The following UTP25 variants were observed in gnomAD, a reference collection of about 807,000 sequenced individuals.
UTP25 encodes U3 small nucleolar RNA-associated protein 25 homolog.
UTP25 carries 50 observed loss-of-function variants against 78.9 expected under a neutral mutation model. The observed-to-expected ratio is 0.63, with a 90% CI of 0.50 to 0.80. The LOEUF is 0.80. Among genes scored for constraint, UTP25 ranks in the 30% least tolerant of loss-of-function variants. The pLI, the probability that UTP25 is intolerant of heterozygous loss-of-function variation, is 0.00. For synonymous variants in UTP25, 329 were observed against 336.5 expected (o/e 0.98, Z 0.24); for missense variants, 846 against 911.3 (o/e 0.93, Z 0.92).
intron 1 of UTP25, among the ~76,000 whole-genome samples, chr1:209,828,773 A>C (rs1260497010): frequency 1.6e-5 from 2 of 124,744 alleles, no homozygotes; most frequent in Non-Finnish European, 3.5e-5. Flanking sequence ...ATATGTATAT[A>C]TATAATTTTT....
At chr1:209,842,230 G>A in intron 8 of UTP25, 35 bp from the exon 9 acceptor site, 1 of 1,599,688 alleles carries the variant, frequency 6.3e-7, no homozygotes, top group East Asian at 2.2e-5. Context: ...AATGCTCTCA[G>A]TCAACACTAA....
chr1:209,828,289 G>A (rs370946303), intron 1 of UTP25, 119 bp downstream of exon 1: 74 of 760,140 alleles, frequency 9.7e-5, no homozygotes, highest in East Asian at 2.3e-4. Flanking sequence ...CTCCCGCTGT[G>A]CTCGGCCGGG....
chr1:209,842,962 T>C (rs1281316304), intron 10 of UTP25: 7 of 439,808 alleles, frequency 1.6e-5, no homozygotes, highest in Non-Finnish European at 2.8e-5. Context: ...ATTTTAAAAT[T>C]ATACAGCTTT....
chr1:209,830,018 T>C lies in UTP25; in HGVS notation c.108-90T>C, dbSNP rs2078093903. On this transcript the variant is annotated intron_variant, in intron 1 of 11. Coordinates refer to ENST00000491415, the MANE Select transcript of UTP25 (RefSeq NM_014388.7). ...TCTAAAATGTATTTATAATGTTATA[T>C]TCTGCCTTTTTCATTTAACATCTCA... 5 of 1,136,866 alleles carry C rather than the reference T, an allele frequency of 4.4e-6. No individual in the cohort carries two copies. The Admixed American group carries it at 1.0e-4, about 23-fold the overall frequency. 70.4% of individuals were successfully genotyped at this position (1,136,866 alleles called of 1,614,324 possible). A position where few individuals can be genotyped will look rare whatever the true frequency, so the allele number is the denominator to read the frequency against.
intron 10 of UTP25, 29 bp downstream of exon 10, chr1:209,842,724 G>C: frequency 1.3e-6 from 2 of 1,544,726 alleles, no homozygotes; most frequent in Non-Finnish European, 1.8e-6. Flanking sequence ...CAGGCCCCTG[G>C]GGACCACATA....
chr1:209,833,446 A>C, intron 4 of UTP25, 88 bp downstream of exon 4: 1 of 1,177,644 alleles, frequency 8.5e-7, no homozygotes, highest in Non-Finnish European at 1.2e-6. Context: ...TTATTGGAAC[A>C]AACAGCAATA....
At chr1:209,841,419 T>A (rs2078166490) in intron 8 of UTP25, among the ~76,000 whole-genome samples, 1 of 152,200 alleles carries the variant, frequency 6.6e-6, no homozygotes, top group Non-Finnish European at 1.5e-5. Context: ...TAATCCCACA[T>A]GTGGTTTTTG....
At chr1:209,830,448 A>G (rs1003542804) in intron 2 of UTP25, among the ~76,000 whole-genome samples, 9 of 151,808 alleles carry the variant, frequency 5.9e-5, no homozygotes, top group Admixed American at 5.3e-4. Flanking sequence ...AGCATAAAGG[A>G]GTCACAAATA....
In UTP25 at chr1:209,836,863, C is replaced by A; in HGVS notation, c.714C>A (p.Pro238=). 1 of 1,614,062 alleles carries A rather than the reference C, an allele frequency of 6.2e-7. No individual in the cohort carries two copies. The highest frequency in any genetic ancestry group is 1.1e-5 in the South Asian group (1 of 91,082). The change falls in exon 6 of 12, where the codon CCC becomes CCA. Residue 238 remains proline, a synonymous_variant. Transcript: ENST00000491415. ...TTCAGAAGTTGGAAACATTTAAACC[C>A]CCAAAGGATATTGACTTAAAGTCAC... ...SKFQKLETFK[P]PKDIDLKSLH...
rs893171787 is a variant in UTP25 at position 209,856,697 on chromosome 1, A to G, written c.*5250A>G. 3 of 152,232 alleles carry G rather than the reference A, an allele frequency of 2.0e-5. No homozygotes were observed. The highest frequency in any genetic ancestry group is 7.2e-5 in the African/African-American group (3 of 41,460). The allele number at this position is 152,232 out of a possible 1,614,324, so 9.4% of individuals were successfully genotyped here. On this transcript the variant is annotated 3_prime_UTR_variant, in exon 12 of 12. Transcript: ENST00000491415. ...TGGCATCACAGACTCCTGAACTCCA[A>G]AGACACTGCCTATTCTTTCGTCTGT...
intron 10 of UTP25, 131 bp from the exon 11 acceptor site, chr1:209,843,320 G>A (rs144432816): frequency 1.9e-6 from 2 of 1,068,924 alleles, no homozygotes; most frequent in Non-Finnish European, 1.3e-6. Context: ...TTTGAGAGGA[G>A]GTAAATCATA....
At chr1:209,838,000 G>T (rs1255258083) in intron 6 of UTP25, among the ~76,000 whole-genome samples, 1 of 152,134 alleles carries the variant, frequency 6.6e-6, no homozygotes, top group Non-Finnish European at 1.5e-5. Context: ...TAATAGCGGG[G>T]GAAACCAAAG....
chr1:209,840,483 T>C (rs942807723), intron 7 of UTP25, among the ~76,000 whole-genome samples: 1 of 152,212 alleles, frequency 6.6e-6, no homozygotes, highest in Non-Finnish European at 1.5e-5. Flanking sequence ...TCAAAAGTGT[T>C]CATCCTGTTG....
intron 11 of UTP25, among the ~76,000 whole-genome samples, chr1:209,849,463 T>C (rs554252638): frequency 2.0e-4 from 30 of 152,190 alleles, no homozygotes; most frequent in African/African-American, 7.0e-4. Context: ...CTTTTGCTTC[T>C]ACTCACCCTC....
Position 209,840,889 on chromosome 1 carries a change from C to T in UTP25, c.1319C>T (p.Ala440Val). Residue 440 changes from alanine (A) to valine (V), a missense_variant, in exon 8 of 12, where the codon GCC becomes GTC. Ala to Val is a moderately conservative substitution (Grantham distance 64). Coordinates refer to ENST00000491415, the MANE Select transcript of UTP25 (RefSeq NM_014388.7). ...AILQRSIRLY[A>V]PFYSSDILIA... ...CTTCAGAGAAGCATCCGACTCTATG[C>T]CCCGTTTTACTCCTCGGATATCCTC... The T allele has an allele frequency of 6.2e-7, 1 of 1,613,244 alleles. No individual in the cohort carries two copies. The highest frequency in any genetic ancestry group is 8.5e-7 in the Non-Finnish European group (1 of 1,179,920).
chr1:209,842,472 G>A, intron 9 of UTP25, 25 bp downstream of exon 9: 1 of 1,613,944 alleles, frequency 6.2e-7, no homozygotes, highest in Non-Finnish European at 8.5e-7. Context: ...TGTTTCCTCA[G>A]TATCTTCATG....
At chr1:209,832,867 G>GAGCC (rs2078110952) in intron 3 of UTP25, among the ~76,000 whole-genome samples, 2 of 152,166 alleles carry the variant, frequency 1.3e-5, no homozygotes, top group African/African-American at 4.8e-5. Flanking sequence ...CTGGGTGACA[G>GAGCC]AGCCAGACCC....
At chr1:209,837,291 A>G (rs2078139227) in intron 6 of UTP25, 80 bp downstream of exon 6, 4 of 1,471,000 alleles carry the variant, frequency 2.7e-6, no homozygotes, top group Non-Finnish European at 3.6e-6. Context: ...CTTAGCAGGA[A>G]CTTGGGTATT....
chr1:209,833,903 G>A (rs2078117450), intron 4 of UTP25, among the ~76,000 whole-genome samples: 1 of 152,126 alleles, frequency 6.6e-6, no homozygotes, highest in Non-Finnish European at 1.5e-5. Context: ...ATGGGTTCCT[G>A]CTGTCTCAAG....
Sources: gnomAD v4.1 joint callset for allele counts (sites outside exome capture counted in the v4.1 genomes callset) on GRCh38, gnomAD v4.1.1 for gene constraint, MANE v1.5 for transcripts, NCBI Gene and HGNC (gene_info 2026-07-23, HGNC 2026-07-21) for gene names.